The following CACNA1E variants were observed in gnomAD, a reference collection of about 807,000 sequenced individuals.
CACNA1E encodes voltage-dependent R-type calcium channel subunit alpha-1E.
Under a neutral mutation model 259.2 loss-of-function variants are expected in CACNA1E, and 40 were observed. The observed-to-expected ratio is 0.15, with a 90% CI of 0.12 to 0.20. CACNA1E has a LOEUF of 0.20. Ranked by LOEUF, CACNA1E falls within the 10% of genes least tolerant of loss-of-function variation. The probability of loss-of-function intolerance (pLI) is 1.00; values close to 1 mark genes in which losing one functional copy is unlikely to be tolerated. For missense variants in CACNA1E, 1,874 were observed against 3,040.1 expected (o/e 0.62, Z 9.02); for synonymous variants, 1,104 against 1,138.5 (o/e 0.97, Z 0.61).
At chr1:181,571,933 A>G (rs1443065958) in intron 3 of CACNA1E, among the ~76,000 whole-genome samples, 2 of 152,236 alleles carry the variant, frequency 1.3e-5, no homozygotes, top group Non-Finnish European at 2.9e-5. Context: ...AGTGTAACTG[A>G]TAGATTTAGC....
Position 181,733,621 on chromosome 1 carries a change from G to C in CACNA1E, c.3133G>C (p.Val1045Leu). ...LGNVQLDMGR[V>L]ISQSEPDLSC... is the part of the protein sequence containing the mutation. ...GAATGTGCAGCTAGACATGGGCCGG[G>C]TCATCAGCCAGAGCGAGCCTGACCT... is the stretch of plus-strand genomic sequence containing the variant. Residue 1045 changes from valine (V) to leucine (L), a missense_variant, in exon 21 of 48, where the codon GTC (valine) becomes CTC (leucine). Coordinates refer to ENST00000367573, the MANE Select transcript of CACNA1E (RefSeq NM_001205293.3). The C allele has an allele frequency of 6.2e-7, 1 of 1,613,024 alleles. No individual in the cohort carries two copies. Among genetic ancestry groups the C allele is most frequent in the Non-Finnish European group, 8.5e-7 (1 of 1,179,552 alleles).
intron 5 of CACNA1E, among the ~76,000 whole-genome samples, chr1:181,579,524 G>A (rs552185774): frequency 6.6e-6 from 1 of 152,334 alleles, no homozygotes; most frequent in Non-Finnish European, 1.5e-5. Flanking sequence ...GTCTGAGCCA[G>A]GCATAGTGGC....
chr1:181,500,818 A>G (rs1665183955), intron 1 of CACNA1E, among the ~76,000 whole-genome samples: 2 of 152,216 alleles, frequency 1.3e-5, no homozygotes, highest in Admixed American at 1.3e-4. Flanking sequence ...GAGTTTTCAG[A>G]GGAAAACAAA....
chr1:181,732,966 T>C lies in CACNA1E; in HGVS notation c.2880T>C (p.His960=). 3.1e-6 allele frequency: 5 copies of C among 1,613,920 alleles called. No individual in the cohort carries two copies. Among genetic ancestry groups the C allele is most frequent in the Non-Finnish European group, 4.2e-6 (5 of 1,179,856 alleles). ...TGCCCACTGAAGGGGAGAAGGACCA[T>C]GAGCTCAGGGGCAACCATGGTGCCA... The part of the protein sequence containing the change: ...EAMPTEGEKD[H]ELRGNHGAKE... Residue 960 remains histidine (H), a synonymous_variant, in exon 20 of 48, where the codon CAT becomes CAC. Transcript: ENST00000367573. The surrounding 1 kb of genome is among the most constrained non-coding windows in gnomAD (Gnocchi z 5.5).
intron 1 of CACNA1E, among the ~76,000 whole-genome samples, chr1:181,401,687 C>G (rs989048643): frequency 6.6e-6 from 1 of 152,196 alleles, no homozygotes; most frequent in Non-Finnish European, 1.5e-5. Context: ...TCTGTATTGT[C>G]TGTGATTCAA....
chr1:181,523,601 G>A (rs1667144655), intron 3 of CACNA1E, among the ~76,000 whole-genome samples: 1 of 152,170 alleles, frequency 6.6e-6, no homozygotes, highest in Non-Finnish European at 1.5e-5. Context: ...AAAAAGGAAT[G>A]GCTCTGGGTA....
intron 2 of CACNA1E, among the ~76,000 whole-genome samples, chr1:181,464,446 GT>G (rs1428593322): frequency 2.0e-5 from 3 of 151,570 alleles, no homozygotes; most frequent in Non-Finnish European, 4.4e-5. Flanking sequence ...AATTGGGTTT[GT>G]TTTTAGGTAC....
At chr1:181,463,143 G>A (rs1017753691) in intron 2 of CACNA1E, among the ~76,000 whole-genome samples, 3 of 152,094 alleles carry the variant, frequency 2.0e-5, no homozygotes, top group Non-Finnish European at 4.4e-5. Flanking sequence ...TCTTATAAAT[G>A]CTATATTTTT....
At chr1:181,419,541 C>T (rs1036455103) in intron 2 of CACNA1E, among the ~76,000 whole-genome samples, 1 of 152,138 alleles carries the variant, frequency 6.6e-6, no homozygotes, top group African/African-American at 2.4e-5. Flanking sequence ...TTATTGTTTC[C>T]CCAACGGACA....
At chr1:181,698,070 T>A (rs2102358999) in intron 7 of CACNA1E, among the ~76,000 whole-genome samples, 1 of 152,290 alleles carries the variant, frequency 6.6e-6, no homozygotes, top group Non-Finnish European at 1.5e-5. Flanking sequence ...AAATGTCTTC[T>A]CCTGAAGGTG....
intron 11 of CACNA1E, 39 bp from the exon 12 acceptor site, chr1:181,718,016 C>T (rs567313821): frequency 2.0e-6 from 2 of 1,011,594 alleles, no homozygotes; most frequent in East Asian, 4.8e-5. Flanking sequence ...TGAGCCCACC[C>T]CACATGTGGA....
At position 181,804,194 on chromosome 1, in the gene CACNA1E, G is replaced by C. The variant is rs1194887184; in HGVS notation, c.*5360G>C. 1 of 152,164 alleles carries C rather than the reference G, an allele frequency of 6.6e-6. No individual in the cohort carries two copies. The highest frequency in any genetic ancestry group is 1.5e-5 in the Non-Finnish European group (1 of 68,024). 9.4% of individuals were successfully genotyped at this position (152,164 alleles called of 1,614,324 possible). A position where few individuals can be genotyped will look rare whatever the true frequency, so the allele number is the denominator to read the frequency against. Reference sequence around the variant, plus strand: ...TGTTTGGTTGGTGGCTGGGTTTCTTGTAACAGACCTATTCTGGAATAGCAA... The same window carrying C: ...TGTTTGGTTGGTGGCTGGGTTTCTTCTAACAGACCTATTCTGGAATAGCAA... On this transcript the variant is annotated 3_prime_UTR_variant, in exon 48 of 48. Transcript: ENST00000367573.
chr1:181,346,129 C>T (rs1571621588), intron 1 of CACNA1E, among the ~76,000 whole-genome samples: 3 of 152,298 alleles, frequency 2.0e-5, no homozygotes, highest in South Asian at 2.1e-4. Flanking sequence ...TGAAGGTCAG[C>T]GAGGGCCGAG....
At chr1:181,698,125 AGTT>A (rs1174214643) in intron 7 of CACNA1E, among the ~76,000 whole-genome samples, 1 of 152,234 alleles carries the variant, frequency 6.6e-6, no homozygotes, top group African/African-American at 2.4e-5. Flanking sequence ...AGAGTTCAGA[AGTT>A]GTCTAACAGT....
chr1:181,424,404 T>G (rs1659001553), intron 2 of CACNA1E, among the ~76,000 whole-genome samples: 1 of 152,226 alleles, frequency 6.6e-6, no homozygotes, highest in South Asian at 2.1e-4. Context: ...CTAGATCTGG[T>G]CTCTGGTGAC....
chr1:181,732,892 G>T lies in CACNA1E; in HGVS notation c.2806G>T (p.Ala936Ser), dbSNP rs773380385. The change falls in exon 20 of 48, where the codon GCC becomes TCC. Residue 936 changes from alanine to serine, a missense_variant. Transcript: ENST00000367573. This position sits in a 1 kb window ranked among gnomAD's most constrained non-coding sequence, Gnocchi z 5.5. ...VRTEGKESSS[A>S]SRSRSASQER... ...GACAGAAGGCAAGGAGTCCTCTTCA[G>T]CCTCCCGGAGCAGGTCTGCCAGCCA... The T allele has an allele frequency of 6.2e-7, 1 of 1,613,978 alleles. No homozygotes were observed. Among genetic ancestry groups the T allele is most frequent in the Admixed American group, 1.7e-5 (1 of 60,026 alleles).
At chr1:181,478,880 T>C (rs1663043585), upstream of CACNA1E, among the ~76,000 whole-genome samples, 1 of 152,246 alleles carries the variant, frequency 6.6e-6, no homozygotes, top group Non-Finnish European at 1.5e-5. Context: ...TGGGGCAGTG[T>C]GGACACCTTG....
At position 181,738,523 on chromosome 1, in the gene CACNA1E, G is replaced by GC; in HGVS notation, c.3612+99dup. On this transcript the variant is annotated intron_variant, in intron 24 of 47. Transcript: ENST00000367573. ...CCTTCCTCAGTGTTACCACCTACCAGCCAATGGCAGCCCTCAGTAGAGCTT... is the reference window on the plus strand; with the variant it reads ...CCTTCCTCAGTGTTACCACCTACCAGCCCAATGGCAGCCCTCAGTAGAGCTT... 3 of 903,106 alleles carry GC rather than the reference G, an allele frequency of 3.3e-6. 1 individual carries two copies. The South Asian group carries it at 4.2e-5, about 13-fold the overall frequency. 55.9% of individuals were successfully genotyped at this position (903,106 alleles called of 1,614,324 possible).
intron 3 of CACNA1E, among the ~76,000 whole-genome samples, chr1:181,564,758 C>T (rs1251381207): frequency 6.6e-6 from 1 of 152,122 alleles, no homozygotes; most frequent in African/African-American, 2.4e-5. Flanking sequence ...ACTTGAAAGT[C>T]GAAATTACTT....
Sources: gnomAD v4.1 joint callset for allele counts (sites outside exome capture counted in the v4.1 genomes callset) on GRCh38, gnomAD v4.1.1 for gene constraint, Gnocchi (gnomAD v3.1) non-coding constraint, MANE v1.5 for transcripts, NCBI Gene and HGNC (gene_info 2026-07-23, HGNC 2026-07-21) for gene names.